Variants in DAAM2 observed in about 807,000 individuals in gnomAD.
DAAM2 encodes disheveled-associated activator of morphogenesis 2.
DAAM2 carries 39 observed loss-of-function variants against 120.7 expected under a neutral mutation model. The ratio of observed to expected loss-of-function variants is 0.32; its 90% CI spans 0.25 to 0.42. DAAM2 has a LOEUF of 0.42. DAAM2 is among the 10% of genes least tolerant of loss of function. The pLI, the probability that DAAM2 is intolerant of heterozygous loss-of-function variation, is 1.00. For synonymous variants in DAAM2, 488 were observed against 524.9 expected (o/e 0.93, Z 0.96); for missense variants, 1,283 against 1,401.7 (o/e 0.92, Z 1.35).
At chr6:39,819,984 G>A (rs953234297) in intron 1 of DAAM2, 11 of 152,324 alleles carry the variant, frequency 7.2e-5, no homozygotes, top group South Asian at 2.1e-4. Context: ...CCATAGCAAC[G>A]GGCAAAGCTT....
At chr6:39,891,902 A>G (rs1200660426) in intron 19 of DAAM2, 180 bp downstream of exon 19, 2 of 604,242 alleles carry the variant, frequency 3.3e-6, no homozygotes, top group Admixed American at 3.0e-5. Flanking sequence ...GCACTTGCTT[A>G]TATTAGCACA....
chr6:39,867,347 A>G, intron 5 of DAAM2, 163 bp from the exon 6 acceptor site: 2 of 632,292 alleles, frequency 3.2e-6, no homozygotes, highest in East Asian at 2.7e-5. Context: ...GTCTTTTGTG[A>G]AGATGATAGG....
chr6:39,827,856 C>T (rs1480278171), intron 1 of DAAM2, among the ~76,000 whole-genome samples: 1 of 152,124 alleles, frequency 6.6e-6, no homozygotes. Context: ...TTGCCAGCTG[C>T]CCAAGCTCTG....
In DAAM2 at chr6:39,856,451, T is replaced by C; in HGVS notation, c.149T>C (p.Ile50Thr). The change falls in exon 2 of 25, where the codon ATC becomes ACC. Residue 50 changes from isoleucine (I) to threonine (T), a missense_variant. This residue lies in a region of DAAM2 where 197 missense variants were observed against 189.3 expected (regional missense o/e 1.04). Coordinates refer to ENST00000274867, the MANE Select transcript of DAAM2 (RefSeq NM_001201427.2). ...ATCCCGAACGCAGAGGAGCTCAACA[T>C]CCGCTTTGCAGAGCTGGTGGTCAGT... ...SPIPNAEELNIRFAELVDELD... is the reference protein window; with the variant it reads ...SPIPNAEELNTRFAELVDELD... 1 of 1,467,140 alleles carries C rather than the reference T, an allele frequency of 6.8e-7. No individual in the cohort carries two copies. Among genetic ancestry groups the C allele is most frequent in the East Asian group, 2.7e-5 (1 of 37,022 alleles). The allele number at this position is 1,467,140 out of a possible 1,614,324, so 90.9% of individuals were successfully genotyped here.
chr6:39,886,165 G>T (rs969249862), intron 15 of DAAM2: 1 of 371,028 alleles, frequency 2.7e-6, no homozygotes, highest in Non-Finnish European at 4.8e-6. Flanking sequence ...GGGGAGTGGT[G>T]GTCGCACTAG....
rs1188833626 is a variant in DAAM2, at chr6:39,879,795, G to A, written c.1845+318G>A. 12 of 475,938 alleles carry A rather than the reference G, an allele frequency of 2.5e-5. No homozygotes were observed. In the East Asian group the frequency reaches 5.1e-4, roughly 20 times the overall value. The allele number at this position is 475,938 out of a possible 1,614,324, so 29.5% of individuals were successfully genotyped here. A position where few individuals can be genotyped will look rare whatever the true frequency, so the allele number is the denominator to read the frequency against. On this transcript the variant is annotated intron_variant, in intron 14 of 24. Coordinates refer to ENST00000274867, the MANE Select transcript of DAAM2 (RefSeq NM_001201427.2). ...GAGTAGAATTCAAGGACAGGGTCCA[G>A]TTGAAGGAAAGGATGGAAAAATAAG...
At chr6:39,794,671 C>T (rs1313565142) in intron 1 of DAAM2, among the ~76,000 whole-genome samples, 1 of 152,086 alleles carries the variant, frequency 6.6e-6, no homozygotes, top group Non-Finnish European at 1.5e-5. Flanking sequence ...CCGACTGTCT[C>T]CAAAGTTTTT....
At chr6:39,840,736 A>G (rs1400974201) in intron 1 of DAAM2, among the ~76,000 whole-genome samples, 1 of 152,148 alleles carries the variant, frequency 6.6e-6, no homozygotes, top group Non-Finnish European at 1.5e-5. Context: ...GCCCTGGTCT[A>G]TCTACTATGT....
At chr6:39,814,401 T>C (rs753347323) in intron 1 of DAAM2, among the ~76,000 whole-genome samples, 5 of 152,156 alleles carry the variant, frequency 3.3e-5, no homozygotes, top group Non-Finnish European at 7.4e-5. Context: ...CCTTTGACCT[T>C]GGCTTGGTTT....
chr6:39,829,064 C>G (rs77936809), intron 1 of DAAM2, among the ~76,000 whole-genome samples: 2,427 of 152,334 alleles, frequency 0.016, 71 homozygotes, highest in African/African-American at 0.054. Flanking sequence ...TTTATGCTCT[C>G]TACAGTTTTT....
chr6:39,863,811 C>T (rs1461097415), intron 3 of DAAM2, among the ~76,000 whole-genome samples: 1 of 152,178 alleles, frequency 6.6e-6, no homozygotes, highest in Non-Finnish European at 1.5e-5. Flanking sequence ...GCTGCACATC[C>T]CCCTCATTCA....
chr6:39,874,120 C>T (rs1285157163), intron 10 of DAAM2, among the ~76,000 whole-genome samples: 1 of 152,180 alleles, frequency 6.6e-6, no homozygotes, highest in Non-Finnish European at 1.5e-5. Flanking sequence ...GGTCCTTTAG[C>T]ACATCATCTC....
At chr6:39,848,946 C>T (rs1360173649) in intron 1 of DAAM2, 2 of 152,128 alleles carry the variant, frequency 1.3e-5, no homozygotes, top group East Asian at 3.9e-4. Flanking sequence ...GGTAGGTGCT[C>T]AATAAATAAT....
intron 1 of DAAM2, among the ~76,000 whole-genome samples, chr6:39,840,858 T>G (rs1763297506): frequency 6.6e-6 from 1 of 151,978 alleles, no homozygotes; most frequent in Non-Finnish European, 1.5e-5. Flanking sequence ...ACAATAGATC[T>G]GCCTGATGTT....
intron 1 of DAAM2, among the ~76,000 whole-genome samples, chr6:39,850,360 C>T (rs1170859786): frequency 6.6e-6 from 1 of 152,162 alleles, no homozygotes; most frequent in Non-Finnish European, 1.5e-5. Flanking sequence ...CCCCTTTACC[C>T]CCCACCTCCC....
In DAAM2 at chr6:39,833,261, CTTTCTTTTCTTTTCCT is replaced by C. The variant is rs1349931228; in HGVS notation, c.-56-22979_-56-22964del. ...TCTTTTTCTTTTCTTTTCTCTTTTC[CTTTCTTTTCTTTTCCT>C]TTTCTTCTGCTTTGCTTTGCTCCCT... On this transcript the variant is annotated intron_variant, in intron 1 of 24. Transcript: ENST00000274867. 3.3e-5 allele frequency among the ~76,000 whole-genome samples: 5 copies of C among 151,748 alleles called. No individual in the cohort carries two copies. The East Asian group carries it at 7.7e-4, about 23-fold the overall frequency.
chr6:39,809,119 CT>C (rs1762092920), intron 1 of DAAM2, among the ~76,000 whole-genome samples: 1 of 152,226 alleles, frequency 6.6e-6, no homozygotes, highest in Non-Finnish European at 1.5e-5. Context: ...GCCGTTAGTG[CT>C]TCTCCACCTG....
At chr6:39,814,594 C>A (rs1480740034) in intron 1 of DAAM2, among the ~76,000 whole-genome samples, 1 of 152,266 alleles carries the variant, frequency 6.6e-6, no homozygotes, top group Admixed American at 6.5e-5. Context: ...GCAATTCAAA[C>A]GCGTTCATCT....
At chr6:39,817,830 G>T (rs1040113045) in intron 1 of DAAM2, among the ~76,000 whole-genome samples, 5 of 152,088 alleles carry the variant, frequency 3.3e-5, no homozygotes, top group African/African-American at 9.7e-5. Context: ...ATTATGGAGG[G>T]TAATCTGCTT....
Sources: allele counts gnomAD v4.1 joint callset (sites outside exome capture counted in the v4.1 genomes callset), GRCh38; gene constraint gnomAD v4.1.1; regional missense constraint gnomAD v4.1.1; transcripts MANE v1.5; gene names NCBI Gene and HGNC (gene_info 2026-07-23, HGNC 2026-07-21).